Variants in NTRK2 observed in about 807,000 individuals in gnomAD.
The protein encoded by NTRK2 is neurotrophic receptor tyrosine kinase 2.
NTRK2 carries 13 observed loss-of-function variants against 94.5 expected under a neutral mutation model. The observed-to-expected ratio is 0.14, with a 90% CI of 0.09 to 0.22. The LOEUF (loss-of-function observed/expected upper bound fraction) is 0.22. Ranked by LOEUF, NTRK2 falls within the 10% of genes least tolerant of loss-of-function variation. The probability of loss-of-function intolerance (pLI) is 1.00; values close to 1 mark genes in which losing one functional copy is unlikely to be tolerated. For missense variants in NTRK2, 639 were observed against 1,071.2 expected (o/e 0.60, Z 5.63); for synonymous variants, 372 against 407.4 (o/e 0.91, Z 1.05).
At chr9:85,002,369 T>C (rs999223653) in intron 17 of NTRK2, among the ~76,000 whole-genome samples, 5 of 152,324 alleles carry the variant, frequency 3.3e-5, no homozygotes, top group African/African-American at 1.2e-4. Flanking sequence ...TTGCATCTGG[T>C]GTGAGCTCAC....
At chr9:84,672,457 T>C (rs558724773) in intron 2 of NTRK2, among the ~76,000 whole-genome samples, 18 of 152,274 alleles carry the variant, frequency 1.2e-4, no homozygotes, top group African/African-American at 4.1e-4. Context: ...TGGTCCAAAG[T>C]CTGTGGCCTT....
intron 6 of NTRK2, among the ~76,000 whole-genome samples, chr9:84,711,345 C>T (rs987825562): frequency 1.3e-5 from 2 of 152,316 alleles, no homozygotes; most frequent in African/African-American, 2.4e-5. Flanking sequence ...CCTACTTTAC[C>T]GTCATCCCCT....
At chr9:84,738,799 A>G (rs993144531) in intron 9 of NTRK2, among the ~76,000 whole-genome samples, 2 of 152,224 alleles carry the variant, frequency 1.3e-5, no homozygotes, top group Non-Finnish European at 2.9e-5. Context: ...CAACTCTGTT[A>G]TAGTTCGTCT....
chr9:84,928,965 A>C (rs968133149), intron 14 of NTRK2, among the ~76,000 whole-genome samples: 1 of 152,314 alleles, frequency 6.6e-6, no homozygotes, highest in African/African-American at 2.4e-5. Flanking sequence ...CCATATGTTT[A>C]GTGGAATAAG....
intron 14 of NTRK2, among the ~76,000 whole-genome samples, chr9:84,923,791 C>G (rs970444488): frequency 2.0e-5 from 3 of 151,906 alleles, no homozygotes; most frequent in Non-Finnish European, 2.9e-5. Flanking sequence ...TGGCACACAC[C>G]TAAAAAATCC....
intron 16 of NTRK2, among the ~76,000 whole-genome samples, chr9:84,949,783 C>T (rs568528864): frequency 6.6e-6 from 1 of 152,264 alleles, no homozygotes; most frequent in Admixed American, 6.5e-5. Flanking sequence ...GGTTTTAGTT[C>T]AGCTGTGCCT....
intron 5 of NTRK2, 136 bp from the exon 6 acceptor site, chr9:84,710,501 G>A: frequency 1.2e-6 from 1 of 853,842 alleles, no homozygotes; most frequent in South Asian, 1.4e-5. Flanking sequence ...AATAAGTACT[G>A]TCATGCTATG....
At chr9:84,932,780 T>C (rs1167569231) in intron 14 of NTRK2, among the ~76,000 whole-genome samples, 1 of 152,200 alleles carries the variant, frequency 6.6e-6, no homozygotes, top group Non-Finnish European at 1.5e-5. Flanking sequence ...AAAGTGGTCC[T>C]GGAAAGCTCT....
intron 12 of NTRK2, among the ~76,000 whole-genome samples, chr9:84,800,415 G>T (rs2070277139): frequency 6.6e-6 from 1 of 152,100 alleles, no homozygotes; most frequent in Non-Finnish European, 1.5e-5. Context: ...TGGCCAGGCT[G>T]GTCTTGAACT....
chr9:85,024,531 G>A lies in NTRK2; in HGVS notation c.*3094G>A, dbSNP rs1832937855. ...CAGAGACATTCAGAGGCACGCTAGAGGTCTCCAGCCTAGCTTCCAGCACCA... is the reference window on the plus strand; with the variant it reads ...CAGAGACATTCAGAGGCACGCTAGAAGTCTCCAGCCTAGCTTCCAGCACCA... On this transcript the variant is annotated 3_prime_UTR_variant, in exon 19 of 19. Coordinates refer to ENST00000277120, the MANE Select transcript of NTRK2 (RefSeq NM_006180.6). 1 of 232,876 alleles carries A rather than the reference G, an allele frequency of 4.3e-6. No individual in the cohort carries two copies. The highest frequency in any genetic ancestry group is 8.5e-6 in the Non-Finnish European group (1 of 117,900). 14.4% of individuals were successfully genotyped at this position (232,876 alleles called of 1,614,324 possible).
intron 2 of NTRK2, among the ~76,000 whole-genome samples, chr9:84,692,468 C>CTTTTTTTTTTTTTTTTTTTTTTTT (rs71369138): frequency 1.1e-5 from 1 of 87,694 alleles, no homozygotes; most frequent in Admixed American, 1.4e-4. Context: ...TTCTTTTTTT[C>CTTTTTTTTTTTTTTTTTTTTTTTT]TTTTTTTTTT....
intron 14 of NTRK2, among the ~76,000 whole-genome samples, chr9:84,880,292 C>G (rs949188096): frequency 6.6e-6 from 1 of 152,146 alleles, no homozygotes; most frequent in African/African-American, 2.4e-5. Flanking sequence ...TTTCTGTAGG[C>G]AATGCTGGGA....
chr9:84,852,199 C>T (rs918427272), intron 12 of NTRK2, among the ~76,000 whole-genome samples: 1 of 152,182 alleles, frequency 6.6e-6, no homozygotes, highest in Non-Finnish European at 1.5e-5. Context: ...CCACTAACAT[C>T]GCTTCTAAGA....
chr9:84,743,299 A>G (rs1007168047), intron 10 of NTRK2, among the ~76,000 whole-genome samples: 2 of 152,150 alleles, frequency 1.3e-5, no homozygotes, highest in South Asian at 2.1e-4. Context: ...CATTACATTT[A>G]TATATTTTCT....
rs144685114 is a variant in NTRK2, at chr9:84,681,655, C to T, written c.212+10695C>T. Among the ~76,000 whole-genome samples, 6 of 152,202 alleles carry T rather than the reference C, an allele frequency of 3.9e-5. No homozygotes were observed. In the South Asian group the frequency reaches 8.3e-4, roughly 21 times the overall value. ...CATCTTTTGCCTAAAATGCTGCAATCGCTTCCTATTTCGCATCCCCGCCTC... is the reference window on the plus strand; with the variant it reads ...CATCTTTTGCCTAAAATGCTGCAATTGCTTCCTATTTCGCATCCCCGCCTC... On this transcript the variant is annotated intron_variant, in intron 2 of 18. Transcript: ENST00000277120.
At chr9:84,942,655 C>T (rs562778665) in intron 15 of NTRK2, among the ~76,000 whole-genome samples, 10 of 151,814 alleles carry the variant, frequency 6.6e-5, no homozygotes, top group African/African-American at 2.2e-4. Context: ...CTTATTTTAT[C>T]GATATAGTTT....
Position 84,926,106 on chromosome 9 carries a change from TTTCCTTCC to T in NTRK2, c.1634-7997_1634-7990del, listed in dbSNP as rs1197073231. 4.2e-3 allele frequency among the ~76,000 whole-genome samples: 460 copies of T among 108,636 alleles called. 26 individuals carry two copies. Among genetic ancestry groups the T allele is most frequent in the African/African-American group, 5.8e-3 (149 of 25,556 alleles). The allele number at this position is 108,636 out of a possible 152,430, so 71.3% of individuals were successfully genotyped here. A position where few individuals can be genotyped will look rare whatever the true frequency, so the allele number is the denominator to read the frequency against. ...TTCCCTTCCTTCCTTCCTTCCTTCC[TTTCCTTCC>T]TTCCTTCCTTCCTTCCTTCCTTCCT... On this transcript the variant is annotated intron_variant, in intron 14 of 18. Coordinates refer to ENST00000277120, the MANE Select transcript of NTRK2 (RefSeq NM_006180.6).
chr9:84,911,342 A>C (rs940445998), intron 14 of NTRK2, among the ~76,000 whole-genome samples: 1 of 152,102 alleles, frequency 6.6e-6, no homozygotes, highest in African/African-American at 2.4e-5. Flanking sequence ...CCTGGATGAG[A>C]CTGTGGAATT....
intron 2 of NTRK2, among the ~76,000 whole-genome samples, chr9:84,686,778 A>G (rs984449274): frequency 6.6e-6 from 1 of 152,240 alleles, no homozygotes; most frequent in African/African-American, 2.4e-5. Context: ...GCTATTAGAC[A>G]TTTGAGAAGT....
Sources: allele counts gnomAD v4.1 joint callset (sites outside exome capture counted in the v4.1 genomes callset), GRCh38; gene constraint gnomAD v4.1.1; transcripts MANE v1.5; gene names NCBI Gene and HGNC (gene_info 2026-07-23, HGNC 2026-07-21).